Variants in LRRC37A2 observed in about 807,000 individuals in gnomAD.
The protein encoded by LRRC37A2 is leucine-rich repeat-containing protein 37A2.
LRRC37A2 carries 9 observed loss-of-function variants against 68.8 expected under a neutral mutation model. The ratio of observed to expected loss-of-function variants is 0.13; its 90% CI spans 0.08 to 0.23. The LOEUF (loss-of-function observed/expected upper bound fraction) is 0.23. Ranked by LOEUF, LRRC37A2 falls within the 10% of genes least tolerant of loss-of-function variation. The pLI is 1.00. For synonymous variants in LRRC37A2, 63 were observed against 367.6 expected, an observed-to-expected ratio of 0.17 and a Z score of 9.48; for missense variants, 168 against 950.4, an observed-to-expected ratio of 0.18 and a Z score of 10.82.
the LRRC37A2 span, among the ~76,000 whole-genome samples, chr17:46,759,968 T>A: frequency 6.6e-6 from 1 of 152,208 alleles, no homozygotes; most frequent in Non-Finnish European, 1.5e-5. Flanking sequence ...GTATTCTCCT[T>A]AACCATCAAA....
the LRRC37A2 span, among the ~76,000 whole-genome samples, chr17:46,798,375 G>T: frequency 6.6e-6 from 1 of 152,202 alleles, no homozygotes; most frequent in Non-Finnish European, 1.5e-5. Context: ...ACATAGTGAG[G>T]CTCAGGTTTT....
the LRRC37A2 span, among the ~76,000 whole-genome samples, chr17:46,382,130 T>C: frequency 6.8e-6 from 1 of 147,622 alleles, no homozygotes; most frequent in African/African-American, 2.5e-5. Context: ...AATACAAAAT[T>C]AGCCGGGCGT....
the LRRC37A2 span, among the ~76,000 whole-genome samples, chr17:46,690,626 T>A: frequency 0.069 from 3,325 of 47,870 alleles, 77 homozygotes; most frequent in Middle Eastern, 0.2. Context: ...AAAAAAAAAA[T>A]ATATATATAT....
the LRRC37A2 span, among the ~76,000 whole-genome samples, chr17:46,749,443 A>G: frequency 6.6e-6 from 1 of 152,122 alleles, no homozygotes; most frequent in Non-Finnish European, 1.5e-5. Context: ...TTCCCACCAT[A>G]CATGTGCCAT....
the LRRC37A2 span, among the ~76,000 whole-genome samples, chr17:47,012,603 TGGC>T: frequency 6.6e-6 from 1 of 152,074 alleles, no homozygotes; most frequent in African/African-American, 2.4e-5. Flanking sequence ...AGATATACAA[TGGC>T]CAATAAGCAC....
At chr17:47,022,057 A>G in the LRRC37A2 span, 3 of 737,904 alleles carry the variant, frequency 4.1e-6, no homozygotes, top group East Asian at 2.5e-5. Flanking sequence ...GTTGACTGCA[A>G]TCGTATGGTT....
the LRRC37A2 span, among the ~76,000 whole-genome samples, chr17:46,758,780 T>G: frequency 6.6e-6 from 1 of 152,192 alleles, no homozygotes; most frequent in South Asian, 2.1e-4. Context: ...TGTACAATAA[T>G]CAAATCCTGA....
At chr17:46,884,147 G>A in the LRRC37A2 span, among the ~76,000 whole-genome samples, 111 of 152,192 alleles carry the variant, frequency 7.3e-4, no homozygotes, top group African/African-American at 2.7e-3. Flanking sequence ...GTAGCCCCCC[G>A]GGACCCCCAC....
chr17:46,788,264 A>C, the LRRC37A2 span, among the ~76,000 whole-genome samples: 1 of 152,178 alleles, frequency 6.6e-6, no homozygotes, highest in African/African-American at 2.4e-5. Flanking sequence ...TTGCATCTTT[A>C]GTTCATTTTA....
At chr17:46,772,842 C>G in the LRRC37A2 span, among the ~76,000 whole-genome samples, 1 of 149,730 alleles carries the variant, frequency 6.7e-6, no homozygotes, top group Non-Finnish European at 1.5e-5. Context: ...AGGCAGCTCT[C>G]ATTCATTCCC....
the LRRC37A2 span, among the ~76,000 whole-genome samples, chr17:46,836,373 T>C: frequency 6.6e-6 from 1 of 152,182 alleles, no homozygotes; most frequent in South Asian, 2.1e-4. Context: ...GGATGCTTTC[T>C]CTTTTCATGG....
At chr17:46,843,474 T>G in the LRRC37A2 span, among the ~76,000 whole-genome samples, 2 of 152,252 alleles carry the variant, frequency 1.3e-5, no homozygotes, top group Non-Finnish European at 2.9e-5. Context: ...GCTCAAACAT[T>G]GCTGCATCTC....
chr17:46,580,258 T>C, the LRRC37A2 span, among the ~76,000 whole-genome samples: 1 of 150,410 alleles, frequency 6.6e-6, no homozygotes, highest in African/African-American at 2.5e-5. Flanking sequence ...CCGCACCTCG[T>C]TAAGACGTCG....
At chr17:46,679,692 CAAAA>C in the LRRC37A2 span, among the ~76,000 whole-genome samples, 1 of 101,520 alleles carries the variant, frequency 9.9e-6, no homozygotes, top group Non-Finnish European at 2.0e-5. Context: ...AACTCCATGT[CAAAA>C]AAAAAAAAAA....
the LRRC37A2 span, among the ~76,000 whole-genome samples, chr17:47,012,514 G>A: frequency 6.6e-6 from 1 of 151,566 alleles, no homozygotes; most frequent in Non-Finnish European, 1.5e-5. Flanking sequence ...AATATATAAA[G>A]AACACTTCCA....
intron 6 of LRRC37A2, among the ~76,000 whole-genome samples, chr17:46,530,153 A>T (rs1567950312): frequency 7.4e-6 from 1 of 135,444 alleles, no homozygotes; most frequent in Non-Finnish European, 1.6e-5. Context: ...TGGCCTCCCA[A>T]AGTGCTGAGA....
At chr17:46,787,561 C>G in the LRRC37A2 span, among the ~76,000 whole-genome samples, 1 of 152,228 alleles carries the variant, frequency 6.6e-6, no homozygotes, top group Non-Finnish European at 1.5e-5. Context: ...GAGCTTGTCT[C>G]TCTCATAGCA....
the LRRC37A2 span, among the ~76,000 whole-genome samples, chr17:46,812,238 C>G: frequency 6.6e-6 from 1 of 152,180 alleles, no homozygotes; most frequent in Middle Eastern, 3.2e-3. Context: ...AAGGACCCTG[C>G]TTAGAGCCGG....
chr17:46,818,981 T>C, the LRRC37A2 span, among the ~76,000 whole-genome samples: 1 of 151,944 alleles, frequency 6.6e-6, no homozygotes, highest in African/African-American at 2.4e-5. Flanking sequence ...ACCGCCGCGG[T>C]CCCCCGCTGG....
Sources: gnomAD v4.1 joint callset for allele counts (sites outside exome capture counted in the v4.1 genomes callset) on GRCh38, gnomAD v4.1.1 for gene constraint, MANE v1.5 for transcripts, NCBI Gene and HGNC (gene_info 2026-07-23, HGNC 2026-07-21) for gene names.